ABCA9: variants seen among roughly 807,000 people sequenced by gnomAD.
ABCA9 encodes the protein ATP-binding cassette sub-family A member 9.
ABCA9 carries 183 observed loss-of-function variants against 205.3 expected under a neutral mutation model. That is an observed-to-expected ratio of 0.89 (90% CI 0.79 to 1.01). The LOEUF (loss-of-function observed/expected upper bound fraction) is 1.01, where lower values mean the gene tolerates loss of function less well. Ranked by LOEUF, ABCA9 falls within the 50% of genes least tolerant of loss-of-function variation. ABCA9 has a pLI of 0.00. For synonymous variants in ABCA9, 651 were observed against 683.3 expected (o/e 0.95, Z 0.74); for missense variants, 1,805 against 1,912.4 (o/e 0.94, Z 1.05).
Position 68,975,993 on chromosome 17 carries a change from C to G in ABCA9, c.4797G>C (p.Lys1599Asn). 1 of 1,613,782 alleles carries G rather than the reference C, an allele frequency of 6.2e-7. No homozygotes were observed. The highest frequency in any genetic ancestry group is 8.5e-7 in the Non-Finnish European group (1 of 1,179,882). The change falls in exon 39 of 39, where the codon AAG becomes AAC. Residue 1599 changes from lysine (K) to asparagine (N), a missense_variant. Physicochemically the swap from Lys to Asn is moderately conservative, Grantham distance 94. Transcript: ENST00000340001. ...CTTCAAGATCACCCAGCTCCTGCTC[C>G]TTGGAGAGCTCCAGGAAAACCTAAA... The part of the protein sequence containing the change: ...TLEQVFLELS[K>N]EQELGDLEED...
In ABCA9 at chr17:68,989,795, G is replaced by T. The variant is rs2069384150; in HGVS notation, c.3955+18C>A. The T allele has an allele frequency of 7.2e-7, 1 of 1,391,122 alleles. No individual in the cohort carries two copies. The highest frequency in any genetic ancestry group is 2.3e-5 in the East Asian group (1 of 43,902). 86.2% of individuals were successfully genotyped at this position (1,391,122 alleles called of 1,614,324 possible). A position where few individuals can be genotyped will look rare whatever the true frequency, so the allele number is the denominator to read the frequency against. ...TCAGATTCAAGATTGCTCTACTAAT[G>T]GAACTACTGTTTCCAACCTTTTTTA... On this transcript the variant is annotated intron_variant, in intron 30 of 38. Transcript: ENST00000340001.
In ABCA9 at chr17:68,989,113, C is replaced by G. The variant is rs556771365; in HGVS notation, c.3961G>C (p.Val1321Leu). Residue 1321 changes from valine to leucine, a missense_variant, in exon 31 of 39, where the codon GTT becomes CTT. Transcript: ENST00000340001. ...NVSFCVKKGEVIGLLGHNGAG... is the reference protein window; with the variant it reads ...NVSFCVKKGELIGLLGHNGAG... ...CCATTGTGTCCTAACAGTCCTATAA[C>G]TTCACCTGAAAGAAAGTGGTATGCT... The G allele has an allele frequency of 2.5e-6, 4 of 1,604,410 alleles. No individual in the cohort carries two copies. In the South Asian group the frequency reaches 4.4e-5, roughly 18 times the overall value.
In ABCA9 at chr17:68,984,116, T is replaced by G; in HGVS notation, c.4439A>C (p.Tyr1480Ser). Residue 1480 changes from tyrosine to serine, a missense_variant, in exon 35 of 39, where the codon TAC becomes TCC. Coordinates refer to ENST00000340001, the MANE Select transcript of ABCA9 (RefSeq NM_080283.4). The part of the protein sequence containing the change: ...TERGALLTTH[Y>S]MAEAEAVCDR... ...ACACACCGCCTCAGCCTCTGCCATGTAGTGGGTGGTCAGGAGGGCGCCCCT... is the reference window on the plus strand; with the variant it reads ...ACACACCGCCTCAGCCTCTGCCATGGAGTGGGTGGTCAGGAGGGCGCCCCT... 2 of 1,614,132 alleles carry G rather than the reference T, an allele frequency of 1.2e-6. No homozygotes were observed. The highest frequency in any genetic ancestry group is 1.7e-6 in the Non-Finnish European group (2 of 1,180,014).
intron 8 of ABCA9, 139 bp downstream of exon 8, chr17:69,035,107 T>C: frequency 1.5e-5 from 10 of 684,550 alleles, no homozygotes; most frequent in Non-Finnish European, 2.1e-5. Flanking sequence ...AGAGAAAAAT[T>C]AAAGTCACTC....
At chr17:69,068,462 TAAG>T in the ABCA9 span, among the ~76,000 whole-genome samples, 5 of 152,092 alleles carry the variant, frequency 3.3e-5, no homozygotes, top group Non-Finnish European at 5.9e-5. Flanking sequence ...AATGGTTAAA[TAAG>T]AAGTAACAAA....
chr17:69,054,358 CA>C (rs2072002160), intron 1 of ABCA9, among the ~76,000 whole-genome samples: 1 of 151,500 alleles, frequency 6.6e-6, no homozygotes, highest in African/African-American at 2.4e-5. Context: ...CCTGTCTCTA[CA>C]AAAACAAAAT....
At chr17:68,992,154 A>C (rs2069472527) in intron 28 of ABCA9, 21 bp downstream of exon 28, 3 of 1,492,748 alleles carry the variant, frequency 2.0e-6, no homozygotes, top group Non-Finnish European at 2.7e-6. Flanking sequence ...GAAACATGAA[A>C]TTCGATTTGA....
chr17:68,997,330 C>CT (rs917498508), intron 25 of ABCA9, among the ~76,000 whole-genome samples: 2 of 152,124 alleles, frequency 1.3e-5, no homozygotes, highest in Non-Finnish European at 2.9e-5. Flanking sequence ...GTTTTCAAAG[C>CT]TTTTTAAAGT....
intron 1 of ABCA9, among the ~76,000 whole-genome samples, chr17:69,059,596 C>G (rs1462919122): frequency 1.3e-5 from 2 of 152,018 alleles, no homozygotes; most frequent in Non-Finnish European, 2.9e-5. Context: ...GAGTGAGAAC[C>G]ACATCACACT....
chr17:68,985,018 G>A (rs181800371), intron 33 of ABCA9, 35 bp downstream of exon 33: 19 of 1,613,960 alleles, frequency 1.2e-5, no homozygotes, highest in Admixed American at 1.7e-5. Context: ...TCCCATCTAC[G>A]GCACTTGCAG....
Position 69,016,306 on chromosome 17 carries a change from CAAG to C in ABCA9, c.2983_2985del (p.Leu995del), listed in dbSNP as rs760783431. 5.0e-6 allele frequency: 8 copies of C among 1,598,828 alleles called. No individual in the cohort carries two copies. The African/African-American group carries it at 9.5e-5, about 19-fold the overall frequency. ...ATGTGTTCTGACGAATTAAAAATTC[CAAG>C]TAGTCCATTGCTAATGACATCCAGG... is the stretch of plus-strand genomic sequence containing the variant. On this transcript the variant is annotated inframe_deletion, in exon 22 of 39. Coordinates refer to ENST00000340001, the MANE Select transcript of ABCA9 (RefSeq NM_080283.4).
chr17:69,071,376 T>G, the ABCA9 span, among the ~76,000 whole-genome samples: 1 of 152,146 alleles, frequency 6.6e-6, no homozygotes, highest in Admixed American at 6.5e-5. Flanking sequence ...CCCTCTGGGA[T>G]GAAGCTTCCA....
Position 69,023,997 on chromosome 17 carries a change from AT to A in ABCA9, c.2281+216del, listed in dbSNP as rs111277217. On this transcript the variant is annotated intron_variant, in intron 17 of 38. Transcript: ENST00000340001. The surrounding 1 kb of genome is among the most constrained non-coding windows in gnomAD (Gnocchi z 4.2). ...TAATTGCACTTAATTGACTTGAAGCATATTTAACATCTACATGCCTTGGTTT... is the reference window on the plus strand; with the variant it reads ...TAATTGCACTTAATTGACTTGAAGCAATTTAACATCTACATGCCTTGGTTT... Among the ~76,000 whole-genome samples, 14,005 of 152,204 alleles carry A rather than the reference AT, an allele frequency of 0.092. 1,360 individuals carry two copies. Among genetic ancestry groups the A allele is most frequent in the African/African-American group, 0.24 (10,113 of 41,478 alleles).
intron 27 of ABCA9, among the ~76,000 whole-genome samples, 165 bp downstream of exon 27, chr17:68,992,851 T>TTG (rs1242308095): frequency 1.0e-4 from 14 of 133,882 alleles, no homozygotes; most frequent in African/African-American, 4.6e-4. Context: ...TTAAAAGCCA[T>TTG]CGTGTGTGTG....
At chr17:69,050,542 C>G (rs575947530) in intron 2 of ABCA9, among the ~76,000 whole-genome samples, 1 of 152,186 alleles carries the variant, frequency 6.6e-6, no homozygotes, top group Non-Finnish European at 1.5e-5. Flanking sequence ...GATCACAATA[C>G]TATTTTCCCA....
At chr17:69,027,148 C>A (rs369296252) in intron 14 of ABCA9, 34 bp from the exon 15 acceptor site, 205 of 1,608,022 alleles carry the variant, frequency 1.3e-4, no homozygotes, top group Non-Finnish European at 1.7e-4. Flanking sequence ...GTAATTCCAC[C>A]CTTTCGGATA....
intron 23 of ABCA9, among the ~76,000 whole-genome samples, chr17:69,010,489 T>TAAAC (rs2070332433): frequency 6.6e-6 from 1 of 151,822 alleles, no homozygotes; most frequent in Non-Finnish European, 1.5e-5. Context: ...GGTAGAGAGA[T>TAAAC]AAACAAGAGA....
At chr17:68,983,018 T>C (rs1230852732) in intron 36 of ABCA9, among the ~76,000 whole-genome samples, 1 of 151,584 alleles carries the variant, frequency 6.6e-6, no homozygotes. Flanking sequence ...AAAATGAAAA[T>C]AAAAAAATGA....
chr17:69,032,356 G>A (rs1179475321), intron 9 of ABCA9, 80 bp from the exon 10 acceptor site: 11 of 1,350,748 alleles, frequency 8.1e-6, no homozygotes, highest in Non-Finnish European at 1.1e-5. Flanking sequence ...CAGCCCCTTT[G>A]ACATTAAACC....
Sources: allele counts gnomAD v4.1 joint callset (sites outside exome capture counted in the v4.1 genomes callset), GRCh38; gene constraint gnomAD v4.1.1; non-coding constraint Gnocchi (gnomAD v3.1); transcripts MANE v1.5; gene names NCBI Gene and HGNC (gene_info 2026-07-23, HGNC 2026-07-21).